The following AGBL4 variants were observed in gnomAD, a reference collection of about 807,000 sequenced individuals.
AGBL4 encodes AGBL carboxypeptidase 4.
Under a neutral mutation model 66.4 loss-of-function variants are expected in AGBL4, and 58 were observed. The ratio of observed to expected loss-of-function variants is 0.87; its 90% CI spans 0.71 to 1.09. AGBL4 has a LOEUF of 1.09. AGBL4 is among the 50% of genes least tolerant of loss of function. The probability of loss-of-function intolerance (pLI) is 0.00; values close to 1 mark genes in which losing one functional copy is unlikely to be tolerated. For missense variants in AGBL4, 579 were observed against 631.0 expected, an observed-to-expected ratio of 0.92 and a Z score of 0.88; for synonymous variants, 234 against 222.9, an observed-to-expected ratio of 1.05 and a Z score of -0.44.
At chr1:49,554,903 C>T (rs906909863) in intron 3 of AGBL4, among the ~76,000 whole-genome samples, 2 of 152,220 alleles carry the variant, frequency 1.3e-5, no homozygotes, top group East Asian at 3.9e-4. Flanking sequence ...CTGGTGGGTT[C>T]GTGGTCTCGC....
At chr1:49,303,451 T>TTTTATTTATTTATTTA (rs141772658) in intron 3 of AGBL4, among the ~76,000 whole-genome samples, 64,866 of 147,088 alleles carry the variant, frequency 0.44, 15,247 homozygotes, top group Middle Eastern at 0.51. Flanking sequence ...CATAAATGTC[T>TTTTATTTATTTATTTA]TTTATTTATT....
intron 3 of AGBL4, among the ~76,000 whole-genome samples, chr1:49,611,750 A>T (rs1645159538): frequency 6.6e-6 from 1 of 152,148 alleles, no homozygotes; most frequent in Non-Finnish European, 1.5e-5. Context: ...CATACTTTAT[A>T]CTGAAGGTCA....
chr1:49,635,508 T>A (rs1324458104), intron 3 of AGBL4, among the ~76,000 whole-genome samples: 2 of 152,142 alleles, frequency 1.3e-5, no homozygotes, highest in East Asian at 3.9e-4. Flanking sequence ...ATGACTTGCA[T>A]CTGGAATACA....
chr1:49,018,935 G>T (rs934055522), intron 5 of AGBL4, among the ~76,000 whole-genome samples: 3 of 151,870 alleles, frequency 2.0e-5, no homozygotes, highest in African/African-American at 7.3e-5. Context: ...TTATTCCTTT[G>T]TGTAAACTCC....
chr1:49,149,081 T>C (rs1400698297), intron 4 of AGBL4, among the ~76,000 whole-genome samples: 3 of 152,186 alleles, frequency 2.0e-5, no homozygotes, highest in Admixed American at 2.0e-4. Context: ...CTTGCCCATC[T>C]ATGTTCTAAT....
intron 6 of AGBL4, among the ~76,000 whole-genome samples, chr1:48,807,985 A>C (rs1014608164): frequency 2.6e-5 from 4 of 152,122 alleles, no homozygotes; most frequent in Admixed American, 6.6e-5. Flanking sequence ...CAATGACACA[A>C]AGGGAAGAGA....
At chr1:49,010,116 A>T (rs1190543140) in intron 5 of AGBL4, among the ~76,000 whole-genome samples, 1 of 152,342 alleles carries the variant, frequency 6.6e-6, no homozygotes, top group East Asian at 1.9e-4. Flanking sequence ...ACATGATTGT[A>T]TATCTAGAAA....
intron 3 of AGBL4, among the ~76,000 whole-genome samples, chr1:49,559,968 A>C (rs754134858): frequency 1.9e-4 from 29 of 152,082 alleles, no homozygotes; most frequent in Non-Finnish European, 3.1e-4. Context: ...CACGACACCC[A>C]AGTTCTTTCA....
intron 1 of AGBL4, among the ~76,000 whole-genome samples, chr1:49,852,325 G>A (rs1055405586): frequency 1.3e-5 from 2 of 152,216 alleles, no homozygotes; most frequent in South Asian, 4.1e-4. Context: ...CCATACAAAT[G>A]AGTAAGAAAG....
chr1:48,809,627 G>A (rs1163972858), intron 6 of AGBL4, among the ~76,000 whole-genome samples: 3 of 152,132 alleles, frequency 2.0e-5, no homozygotes, highest in African/African-American at 7.2e-5. Flanking sequence ...AGAGGAATGA[G>A]GCAGCAAACC....
intron 3 of AGBL4, among the ~76,000 whole-genome samples, chr1:49,622,042 T>C (rs1479319866): frequency 6.6e-6 from 1 of 152,226 alleles, no homozygotes; most frequent in Non-Finnish European, 1.5e-5. Context: ...CCAAGTCCCA[T>C]TGAACCTCTA....
At chr1:49,532,783 A>T (rs1651243522) in intron 3 of AGBL4, among the ~76,000 whole-genome samples, 1 of 152,150 alleles carries the variant, frequency 6.6e-6, no homozygotes, top group Admixed American at 6.5e-5. Context: ...CTATCTACCA[A>T]GTGATGGCAC....
At chr1:49,975,604 A>G (rs888225617) in intron 1 of AGBL4, among the ~76,000 whole-genome samples, 4 of 152,172 alleles carry the variant, frequency 2.6e-5, no homozygotes, top group South Asian at 2.1e-4. Context: ...CTGTCTTACC[A>G]CTTCCCATAT....
chr1:48,598,971 C>T lies in AGBL4; in HGVS notation c.952-7986G>A, dbSNP rs377227129. 5.0e-4 allele frequency among the ~76,000 whole-genome samples: 76 copies of T among 151,874 alleles called. 1 individual carries two copies. The highest frequency in any genetic ancestry group is 1.6e-3 in the African/African-American group (68 of 41,428). On this transcript the variant is annotated intron_variant, in intron 9 of 13. Coordinates refer to ENST00000371839, the MANE Select transcript of AGBL4 (RefSeq NM_032785.4). The stretch of plus-strand genomic sequence containing the variant: ...TTTATTACTCCATAAGCTTTTTTTT[C>T]TAGTTATAAATTATGGGTTTTTTTA...
intron 4 of AGBL4, among the ~76,000 whole-genome samples, chr1:49,230,502 T>C (rs1650229949): frequency 6.6e-6 from 1 of 152,156 alleles, no homozygotes. Flanking sequence ...CCTCCCCACA[T>C]TTAGTGTCTC....
chr1:49,902,344 A>G (rs1649838621), intron 1 of AGBL4, among the ~76,000 whole-genome samples: 1 of 152,216 alleles, frequency 6.6e-6, no homozygotes, highest in Non-Finnish European at 1.5e-5. Flanking sequence ...CAAGCAAAAT[A>G]CAAACAACCC....
chr1:49,549,117 A>G (rs948286852), intron 3 of AGBL4, among the ~76,000 whole-genome samples: 1 of 151,582 alleles, frequency 6.6e-6, no homozygotes, highest in African/African-American at 2.4e-5. Flanking sequence ...GATCTTTTGT[A>G]TTTCAGTGGT....
At chr1:48,714,938 G>A (rs1647025595) in intron 6 of AGBL4, among the ~76,000 whole-genome samples, 1 of 152,164 alleles carries the variant, frequency 6.6e-6, no homozygotes, top group Non-Finnish European at 1.5e-5. Context: ...CTTGCTCTTA[G>A]GAAACTTACA....
intron 1 of AGBL4, among the ~76,000 whole-genome samples, chr1:50,014,301 G>A (rs1243567609): frequency 1.3e-5 from 2 of 151,754 alleles, no homozygotes; most frequent in African/African-American, 2.4e-5. Context: ...AACCCAGGAG[G>A]TGGAGGCTGC....
Sources: allele counts gnomAD v4.1 joint callset (sites outside exome capture counted in the v4.1 genomes callset), GRCh38; gene constraint gnomAD v4.1.1; transcripts MANE v1.5; gene names NCBI Gene and HGNC (gene_info 2026-07-23, HGNC 2026-07-21).